The following ATP13A5 variants were observed in gnomAD, a reference collection of about 807,000 sequenced individuals.
ATP13A5 encodes probable cation-transporting ATPase 13A5.
In ATP13A5, 149 loss-of-function variants were observed where a neutral mutation model predicts 150.2. The observed-to-expected ratio is 0.99, with a 90% CI of 0.87 to 1.14. The LOEUF is 1.14. Ranked by LOEUF, ATP13A5 falls within the 50% of genes most tolerant of loss-of-function variation. The probability of loss-of-function intolerance (pLI) is 0.00; values close to 1 mark genes in which losing one functional copy is unlikely to be tolerated. For missense variants in ATP13A5, 1,383 were observed against 1,449.3 expected, an observed-to-expected ratio of 0.95 and a Z score of 0.74; for synonymous variants, 497 against 522.2, an observed-to-expected ratio of 0.95 and a Z score of 0.66.
At chr3:193,295,743 A>C (rs369278654) in intron 25 of ATP13A5, among the ~76,000 whole-genome samples, 193 of 152,264 alleles carry the variant, frequency 1.3e-3, no homozygotes, top group African/African-American at 4.5e-3. Context: ...AGTGTCTAGC[A>C]AGAGAGATCC....
chr3:193,301,780 T>A (rs529544475), intron 23 of ATP13A5, among the ~76,000 whole-genome samples: 58 of 152,260 alleles, frequency 3.8e-4, no homozygotes, highest in Non-Finnish European at 7.1e-4. Context: ...AAAGGATAGG[T>A]GCTTTGACAT....
At chr3:193,296,819 G>A (rs1265747189) in intron 25 of ATP13A5, among the ~76,000 whole-genome samples, 1 of 152,032 alleles carries the variant, frequency 6.6e-6, no homozygotes, top group Non-Finnish European at 1.5e-5. Flanking sequence ...CTATCCATGA[G>A]CATGGAGTGT....
At chr3:193,375,372 T>C (rs1272634216) in intron 1 of ATP13A5, among the ~76,000 whole-genome samples, 1 of 152,220 alleles carries the variant, frequency 6.6e-6, no homozygotes, top group Non-Finnish European at 1.5e-5. Flanking sequence ...CTATATAACC[T>C]GGAGGCTTCA....
chr3:193,289,230 G>A (rs369314419), intron 26 of ATP13A5, among the ~76,000 whole-genome samples: 4 of 152,044 alleles, frequency 2.6e-5, no homozygotes, highest in Non-Finnish European at 5.9e-5. Flanking sequence ...TTGAGCCATC[G>A]GCGCTATAGC....
rs1403183743 is a variant in ATP13A5 at position 193,333,797 on chromosome 3, C to A, written c.1225G>T (p.Gly409Cys). The A allele has an allele frequency of 6.2e-7, 1 of 1,613,854 alleles. No homozygotes were observed. The highest frequency in any genetic ancestry group is 8.5e-7 in the Non-Finnish European group (1 of 1,179,866). Residue 409 changes from glycine to cysteine, a missense_variant, in exon 11 of 30, where the codon GGT becomes TGT. Coordinates refer to ENST00000342358, the MANE Select transcript of ATP13A5 (RefSeq NM_198505.4). ...AGGGCATAGAAAAAACCCATGACAC[C>A]AAGGCAGGCCAGGAACACGATGAAC... ...FKFIVFLACL[G>C]VMGFFYALGV...
At chr3:193,276,721 T>C in intron 29 of ATP13A5, 29 bp downstream of exon 29, 1 of 1,496,790 alleles carries the variant, frequency 6.7e-7, no homozygotes, top group Non-Finnish European at 9.2e-7. Context: ...TTGTTTATCT[T>C]CCTAGAAAAA....
intron 9 of ATP13A5, 115 bp downstream of exon 9, chr3:193,343,812 T>A (rs571906816): frequency 8.1e-7 from 1 of 1,241,692 alleles, no homozygotes; most frequent in Non-Finnish European, 1.1e-6. Context: ...GCTGGCTGTG[T>A]CTCCCTCACC....
intron 29 of ATP13A5, among the ~76,000 whole-genome samples, chr3:193,275,993 C>T (rs1228245596): frequency 6.6e-6 from 1 of 152,100 alleles, no homozygotes. Flanking sequence ...CTCAACAACA[C>T]TTAAGTTGAA....
chr3:193,288,002 G>A (rs112310281), intron 26 of ATP13A5, among the ~76,000 whole-genome samples: 40 of 152,274 alleles, frequency 2.6e-4, no homozygotes, highest in African/African-American at 9.1e-4. Flanking sequence ...TGTAACTGTA[G>A]ATATGGTGGA....
chr3:193,303,099 A>G (rs1718468923), intron 23 of ATP13A5, among the ~76,000 whole-genome samples: 1 of 152,122 alleles, frequency 6.6e-6, no homozygotes, highest in African/African-American at 2.4e-5. Context: ...CAGGAGCTCA[A>G]ACTCCCTGCA....
intron 23 of ATP13A5, among the ~76,000 whole-genome samples, chr3:193,302,429 C>T (rs181485617): frequency 1.1e-4 from 16 of 152,110 alleles, no homozygotes; most frequent in South Asian, 4.2e-4. Context: ...ATAAACATTG[C>T]GATTTCATTG....
At chr3:193,343,815 C>T in intron 9 of ATP13A5, 112 bp downstream of exon 9, 1 of 1,283,888 alleles carries the variant, frequency 7.8e-7, no homozygotes, top group South Asian at 1.9e-5. Flanking sequence ...GGCTGTGTCT[C>T]CCTCACCTAT....
chr3:193,343,680 T>C (rs921957585), intron 9 of ATP13A5, among the ~76,000 whole-genome samples: 3 of 151,544 alleles, frequency 2.0e-5, no homozygotes, highest in Admixed American at 6.6e-5. Flanking sequence ...ACCCCACTAA[T>C]TGGTCAATTA....
intron 28 of ATP13A5, 45 bp downstream of exon 28, chr3:193,279,321 C>T (rs746115065): frequency 1.2e-5 from 17 of 1,387,300 alleles, no homozygotes; most frequent in South Asian, 5.8e-5. Context: ...AATACATGGT[C>T]CATGTACATG....
intron 3 of ATP13A5, 142 bp from the exon 4 acceptor site, chr3:193,362,779 T>TTCTCTCTTTCTTTCTC (rs1560151039): frequency 4.2e-5 from 21 of 497,968 alleles, no homozygotes; most frequent in South Asian, 1.3e-4. Flanking sequence ...CTTTCTTTCT[T>TTCTCTCTTTCTTTCTC]TCTTTCTTTC....
intron 9 of ATP13A5, among the ~76,000 whole-genome samples, chr3:193,343,310 T>C: frequency 6.6e-6 from 1 of 152,330 alleles, no homozygotes; most frequent in South Asian, 2.1e-4. Flanking sequence ...ATTAAACAAA[T>C]TCAAGTAGAC....
At chr3:193,363,093 ATG>A in intron 3 of ATP13A5, 141 bp downstream of exon 3, 1 of 1,050,410 alleles carries the variant, frequency 9.5e-7, no homozygotes, top group African/African-American at 1.6e-5. Context: ...GTGAACGACC[ATG>A]CCCAGCCAGT....
chr3:193,304,924 C>T (rs929613895), intron 23 of ATP13A5, among the ~76,000 whole-genome samples: 2 of 152,082 alleles, frequency 1.3e-5, no homozygotes, highest in African/African-American at 4.8e-5. Context: ...AGAGGAAGCA[C>T]GCAGGGGAAA....
chr3:193,358,846 G>A (rs1181040110), intron 5 of ATP13A5, among the ~76,000 whole-genome samples: 7 of 152,252 alleles, frequency 4.6e-5, no homozygotes, highest in African/African-American at 1.7e-4. Context: ...GAATGGAGAT[G>A]GGGTACAAAG....
Sources: allele counts gnomAD v4.1 joint callset (sites outside exome capture counted in the v4.1 genomes callset), GRCh38; gene constraint gnomAD v4.1.1; transcripts MANE v1.5; gene names NCBI Gene and HGNC (gene_info 2026-07-23, HGNC 2026-07-21).